FMN1: variants seen among roughly 807,000 people sequenced by gnomAD.
FMN1 encodes formin 1.
A neutral mutation model predicts 132.4 loss-of-function variants in FMN1; 110 were observed. The observed-to-expected ratio is 0.83, with a 90% CI of 0.71 to 0.97. The LOEUF is 0.97. Ranked by LOEUF, FMN1 falls within the 50% of genes least tolerant of loss-of-function variation. FMN1 has a pLI of 0.00. For synonymous variants in FMN1, 722 were observed against 651.7 expected (o/e 1.11, Z -1.64); for missense variants, 1,792 against 1,705.3 (o/e 1.05, Z -0.90).
intron 17 of FMN1, among the ~76,000 whole-genome samples, chr15:32,848,005 G>T (rs919035625): frequency 6.6e-5 from 10 of 152,128 alleles, no homozygotes; most frequent in African/African-American, 2.2e-4. Context: ...CTGTGTCGGG[G>T]TAATCTGAGA....
At chr15:32,798,447 T>C (rs1031432798) in intron 19 of FMN1, among the ~76,000 whole-genome samples, 1 of 152,198 alleles carries the variant, frequency 6.6e-6, no homozygotes, top group African/African-American at 2.4e-5. Flanking sequence ...CATTCACTTT[T>C]ATTTGTCTAT....
At chr15:32,818,132 C>G (rs533119438) in intron 17 of FMN1, among the ~76,000 whole-genome samples, 24 of 152,240 alleles carry the variant, frequency 1.6e-4, no homozygotes, top group African/African-American at 5.8e-4. Context: ...TAATCACACA[C>G]TCATTTGTGC....
chr15:33,169,631 C>T (rs1180730126), intron 3 of FMN1, among the ~76,000 whole-genome samples: 1 of 151,466 alleles, frequency 6.6e-6, no homozygotes, highest in Non-Finnish European at 1.5e-5. Flanking sequence ...TTCAAAGACA[C>T]TTTGAAATAA....
rs143284821 is a variant in FMN1, at chr15:33,034,649, G to A, written c.2162-26574C>T. On this transcript the variant is annotated intron_variant, in intron 6 of 20. Transcript: ENST00000616417. The stretch of plus-strand genomic sequence containing the variant: ...TCCAACAGATCAGGAAATCCTGATG[G>A]TTCTGCCTCAAAAATCCAGAATCTG... Among the ~76,000 whole-genome samples the A allele has an allele frequency of 1.6e-3, 212 of 134,364 alleles. 1 individual carries two copies. The highest frequency in any genetic ancestry group is 5.2e-3 in the African/African-American group (185 of 35,390). 88.1% of individuals were successfully genotyped at this position (134,364 alleles called of 152,430 possible).
chr15:33,039,318 C>G (rs1004256380), intron 6 of FMN1, among the ~76,000 whole-genome samples: 1 of 151,804 alleles, frequency 6.6e-6, no homozygotes, highest in Admixed American at 6.6e-5. Context: ...AATTTGTTGG[C>G]TAGATTGGAG....
intron 16 of FMN1, among the ~76,000 whole-genome samples, chr15:32,857,417 CAAAGAT>C (rs746892984): frequency 1.7e-4 from 26 of 152,074 alleles, no homozygotes; most frequent in Non-Finnish European, 3.5e-4. Flanking sequence ...TGTGTTCTCC[CAAAGAT>C]AAAGAGAGGC....
chr15:32,836,114 G>C (rs1442153594), intron 17 of FMN1, among the ~76,000 whole-genome samples: 1 of 152,030 alleles, frequency 6.6e-6, no homozygotes, highest in Non-Finnish European at 1.5e-5. Flanking sequence ...TCCCACTTTA[G>C]CCTCCCAAAG....
intron 4 of FMN1, among the ~76,000 whole-genome samples, chr15:33,123,541 A>G (rs949134141): frequency 1.3e-5 from 2 of 152,222 alleles, no homozygotes; most frequent in African/African-American, 4.8e-5. Context: ...CCTAGAATCT[A>G]TTTCACCCTA....
intron 17 of FMN1, among the ~76,000 whole-genome samples, chr15:32,810,297 C>T (rs542264696): frequency 6.6e-6 from 1 of 152,328 alleles, no homozygotes; most frequent in African/African-American, 2.4e-5. Flanking sequence ...TCATTAAGTG[C>T]CTGTTTTTTG....
intron 7 of FMN1, among the ~76,000 whole-genome samples, chr15:33,002,067 T>G (rs1265712398): frequency 6.6e-6 from 1 of 152,240 alleles, no homozygotes; most frequent in African/African-American, 2.4e-5. Context: ...CTCTGCTTAT[T>G]TAGGTTCTCT....
intron 7 of FMN1, among the ~76,000 whole-genome samples, chr15:32,997,902 T>C (rs569158539): frequency 1.3e-5 from 2 of 152,300 alleles, no homozygotes; most frequent in East Asian, 1.9e-4. Context: ...CAAATGTAAA[T>C]GTCCATAAAT....
intron 16 of FMN1, among the ~76,000 whole-genome samples, chr15:32,864,478 A>G (rs1427580962): frequency 6.6e-6 from 1 of 152,234 alleles, no homozygotes; most frequent in Non-Finnish European, 1.5e-5. Context: ...TGGAAAATCT[A>G]TATGTAACCA....
At chr15:32,896,234 T>C (rs947954855) in intron 15 of FMN1, among the ~76,000 whole-genome samples, 1 of 152,036 alleles carries the variant, frequency 6.6e-6, no homozygotes, top group African/African-American at 2.4e-5. Context: ...CACTTTTAAT[T>C]ATTATAGCTC....
intron 19 of FMN1, among the ~76,000 whole-genome samples, chr15:32,785,882 A>T (rs1293651065): frequency 6.6e-6 from 1 of 152,204 alleles, no homozygotes; most frequent in Non-Finnish European, 1.5e-5. Flanking sequence ...ACATTGAGGG[A>T]ATATGGTTCA....
At chr15:33,127,159 C>G (rs1010267542) in intron 4 of FMN1, among the ~76,000 whole-genome samples, 1 of 136,728 alleles carries the variant, frequency 7.3e-6, no homozygotes, top group African/African-American at 2.5e-5. Context: ...ATGTTACATT[C>G]TCTCAAACAG....
chr15:33,131,422 A>T (rs964328770), intron 4 of FMN1, among the ~76,000 whole-genome samples: 4 of 152,116 alleles, frequency 2.6e-5, no homozygotes, highest in African/African-American at 9.7e-5. Context: ...CTCTTTCTGA[A>T]CAAGTAAATG....
intron 5 of FMN1, among the ~76,000 whole-genome samples, chr15:33,065,285 C>CAAA (rs1489288766): frequency 2.6e-5 from 4 of 151,220 alleles, no homozygotes; most frequent in African/African-American, 9.8e-5. Context: ...ACTACAACAA[C>CAAA]AAAAAAACCT....
intron 6 of FMN1, among the ~76,000 whole-genome samples, chr15:33,045,065 G>GT: frequency 6.6e-6 from 1 of 152,246 alleles, no homozygotes. Context: ...AGCCAGGGCT[G>GT]TGACACCTGC....
intron 4 of FMN1, among the ~76,000 whole-genome samples, chr15:33,148,403 T>C (rs1011983362): frequency 3.3e-5 from 5 of 152,180 alleles, no homozygotes; most frequent in African/African-American, 7.2e-5. Flanking sequence ...CAGACTCCCA[T>C]TGGCTCCTCC....
Sources: allele counts gnomAD v4.1 joint callset (sites outside exome capture counted in the v4.1 genomes callset), GRCh38; gene constraint gnomAD v4.1.1; transcripts MANE v1.5; gene names NCBI Gene and HGNC (gene_info 2026-07-23, HGNC 2026-07-21).